Variants in LPP observed in about 807,000 individuals in gnomAD.
The protein encoded by LPP is LIM domain containing preferred translocation partner in lipoma.
LPP carries 38 observed loss-of-function variants against 60.4 expected under a neutral mutation model. The observed-to-expected ratio is 0.63, with a 90% confidence interval of 0.49 to 0.83. The LOEUF (loss-of-function observed/expected upper bound fraction) is 0.83, where lower values mean the gene tolerates loss of function less well. Ranked by LOEUF, LPP falls within the 40% of genes least tolerant of loss-of-function variation. The pLI is 0.00. For missense variants in LPP, 902 were observed against 783.6 expected, an observed-to-expected ratio of 1.15 and a Z score of -1.80; for synonymous variants, 328 against 290.8, an observed-to-expected ratio of 1.13 and a Z score of -1.30.
chr3:188,597,669 A>G (rs546140332), intron 6 of LPP, among the ~76,000 whole-genome samples: 1 of 152,284 alleles, frequency 6.6e-6, no homozygotes, highest in Admixed American at 6.5e-5. Flanking sequence ...TGAATGGTGC[A>G]CAAAACTGAT....
intron 5 of LPP, among the ~76,000 whole-genome samples, chr3:188,487,194 C>T (rs1366411837): frequency 6.6e-6 from 1 of 152,040 alleles, no homozygotes; most frequent in South Asian, 2.1e-4. Context: ...TCATTAGAAA[C>T]AAAACAAATA....
chr3:188,429,656 G>C (rs1790404815), intron 4 of LPP, among the ~76,000 whole-genome samples: 2 of 152,068 alleles, frequency 1.3e-5, no homozygotes, highest in Admixed American at 1.3e-4. Flanking sequence ...TTGCTTATAT[G>C]AGCCCGTCTT....
chr3:188,496,697 A>G (rs374075751), intron 5 of LPP, among the ~76,000 whole-genome samples: 4 of 152,292 alleles, frequency 2.6e-5, no homozygotes, highest in Admixed American at 2.6e-4. Flanking sequence ...AGTGAAGGAA[A>G]CAAAACAGCA....
intron 1 of LPP, among the ~76,000 whole-genome samples, chr3:188,197,393 T>G (rs954656698): frequency 7.9e-5 from 12 of 152,304 alleles, no homozygotes; most frequent in African/African-American, 2.6e-4. Flanking sequence ...TCTCCTGAGC[T>G]GGGTTATATA....
intron 7 of LPP, among the ~76,000 whole-genome samples, chr3:188,665,880 G>C (rs971905948): frequency 1.3e-5 from 2 of 152,204 alleles, no homozygotes; most frequent in African/African-American, 4.8e-5. Flanking sequence ...GAACTATAAA[G>C]TTTGCATTTT....
At chr3:188,868,295 C>T (rs1767183300) in intron 10 of LPP, among the ~76,000 whole-genome samples, 1 of 152,124 alleles carries the variant, frequency 6.6e-6, no homozygotes, top group Non-Finnish European at 1.5e-5. Flanking sequence ...TCAATTAAAA[C>T]AGGAAATCAA....
chr3:188,275,910 G>C (rs973056315), intron 2 of LPP, among the ~76,000 whole-genome samples: 2 of 152,054 alleles, frequency 1.3e-5, no homozygotes, highest in South Asian at 2.1e-4. Context: ...TCCTGACCCC[G>C]TGATCCTCCT....
intron 9 of LPP, among the ~76,000 whole-genome samples, chr3:188,843,786 C>CAAAAAAAAAAAAAAAAAAAAAAAAAAAA (rs544161994): frequency 1.2e-4 from 9 of 75,694 alleles, no homozygotes; most frequent in African/African-American, 2.9e-4. Flanking sequence ...GACTCCGTCT[C>CAAAAAAAAAAAAAAAAAAAAAAAAAAAA]AAAAAAAAAA....
chr3:188,161,379 A>G (rs545708113), intron 1 of LPP, among the ~76,000 whole-genome samples: 1 of 152,216 alleles, frequency 6.6e-6, no homozygotes, highest in Non-Finnish European at 1.5e-5. Flanking sequence ...GTTTGCTGCT[A>G]GAATAATATC....
chr3:188,879,113 G>C lies in LPP; in HGVS notation c.*4634G>C, dbSNP rs895956068. ...TGCAACCATGAATATTTCAGGCCAA[G>C]TTATTCACTTGACAGATAACTAGAA... On this transcript the variant is annotated 3_prime_UTR_variant, in exon 12 of 12. Coordinates refer to ENST00000617246, the MANE Select transcript of LPP (RefSeq NM_001375462.1). The C allele has an allele frequency of 4.4e-6, 1 of 228,622 alleles. No homozygotes were observed. Among genetic ancestry groups the C allele is most frequent in the Non-Finnish European group, 8.7e-6 (1 of 115,220 alleles). 14.2% of individuals were successfully genotyped at this position (228,622 alleles called of 1,614,324 possible). A position where few individuals can be genotyped will look rare whatever the true frequency, so the allele number is the denominator to read the frequency against.
intron 2 of LPP, among the ~76,000 whole-genome samples, chr3:188,324,963 G>A (rs1356515726): frequency 6.6e-6 from 1 of 151,942 alleles, no homozygotes; most frequent in Non-Finnish European, 1.5e-5. Flanking sequence ...ATGACTCTAT[G>A]TTCTCTCCTT....
At chr3:188,750,605 C>T (rs146842101) in intron 8 of LPP, among the ~76,000 whole-genome samples, 7 of 152,076 alleles carry the variant, frequency 4.6e-5, no homozygotes, top group Non-Finnish European at 5.9e-5. Context: ...TGCACTCCAA[C>T]CTGGGCAACC....
intron 1 of LPP, among the ~76,000 whole-genome samples, chr3:188,200,923 A>C (rs1449669638): frequency 6.6e-6 from 1 of 152,228 alleles, no homozygotes; most frequent in African/African-American, 2.4e-5. Flanking sequence ...ATTATGTTTA[A>C]TATTTGTTTA....
chr3:188,501,977 C>T (rs1463593523), intron 5 of LPP, among the ~76,000 whole-genome samples: 1 of 151,086 alleles, frequency 6.6e-6, no homozygotes, highest in Non-Finnish European at 1.5e-5. Context: ...TGCAGTTTTA[C>T]TTATGTCTAT....
At chr3:188,588,362 T>G (rs1837941490) in intron 6 of LPP, among the ~76,000 whole-genome samples, 1 of 152,204 alleles carries the variant, frequency 6.6e-6, no homozygotes, top group South Asian at 2.1e-4. Context: ...GCCCTTCTTA[T>G]GCCCTAATAT....
chr3:188,252,387 A>C (rs1336507336), intron 2 of LPP, among the ~76,000 whole-genome samples: 2 of 140,398 alleles, frequency 1.4e-5, no homozygotes, highest in African/African-American at 2.7e-5. Flanking sequence ...CTCCTGCTCA[A>C]CCAATTTCCT....
At chr3:188,428,119 A>G (rs576499797) in intron 4 of LPP, among the ~76,000 whole-genome samples, 6 of 152,196 alleles carry the variant, frequency 3.9e-5, no homozygotes, top group African/African-American at 1.4e-4. Context: ...GCCAGAGTGC[A>G]CCGTTTGTCA....
chr3:188,248,495 T>TATATATATATATATATATATAC (rs1358563921), intron 2 of LPP, among the ~76,000 whole-genome samples: 7 of 138,592 alleles, frequency 5.1e-5, no homozygotes, highest in African/African-American at 1.4e-4. Flanking sequence ...TATATATATA[T>TATATATATATATATATATATAC]ATACAGTCAG....
At chr3:188,679,307 A>G (rs1359617531) in intron 7 of LPP, among the ~76,000 whole-genome samples, 1 of 152,112 alleles carries the variant, frequency 6.6e-6, no homozygotes, top group Non-Finnish European at 1.5e-5. Flanking sequence ...AATTGTGAAC[A>G]TTCATGGAAA....
Sources: allele counts gnomAD v4.1 joint callset (sites outside exome capture counted in the v4.1 genomes callset), GRCh38; gene constraint gnomAD v4.1.1; transcripts MANE v1.5; gene names NCBI Gene and HGNC (gene_info 2026-07-23, HGNC 2026-07-21).